CTNNA2: variants seen among roughly 807,000 people sequenced by gnomAD.
CTNNA2 encodes the protein catenin alpha 2, also known as catenin alpha-2.
A neutral mutation model predicts 101.0 loss-of-function variants in CTNNA2; 42 were observed. That is an observed-to-expected ratio of 0.42 (90% CI 0.32 to 0.54). CTNNA2 has a LOEUF of 0.54. CTNNA2 is among the 20% of genes least tolerant of loss of function. CTNNA2 has a pLI of 0.14. For synonymous variants in CTNNA2, 450 were observed against 456.4 expected (o/e 0.99, Z 0.18); for missense variants, 871 against 1,223.1 (o/e 0.71, Z 4.29).
At chr2:79,833,761 A>C (rs1288544551) in intron 3 of CTNNA2, among the ~76,000 whole-genome samples, 1 of 152,216 alleles carries the variant, frequency 6.6e-6, no homozygotes, top group Non-Finnish European at 1.5e-5. Context: ...ACCATAGAGC[A>C]GTCTTGCCAT....
At chr2:79,425,904 G>C (rs1678588049) in intron 4 of CTNNA2, among the ~76,000 whole-genome samples, 1 of 152,084 alleles carries the variant, frequency 6.6e-6, no homozygotes, top group Admixed American at 6.6e-5. Flanking sequence ...AAAAGGGTAG[G>C]TTTCTATCAA....
rs150743828 is a variant in CTNNA2, at chr2:80,163,088, C to T, written c.1057-230123C>T. The stretch of plus-strand genomic sequence containing the variant: ...ATACTTCATGTTTGAAATTCACAAA[C>T]GCAAACTGCTTTGGTTTACCATCCT... On this transcript the variant is annotated intron_variant, in intron 7 of 18. Transcript: ENST00000402739. 437 of 1,579,772 alleles carry T rather than the reference C, an allele frequency of 2.8e-4. No homozygotes were observed. The East Asian group carries it at 5.9e-3, about 21-fold the overall frequency.
At chr2:80,492,236 CT>C (rs1196554045) in intron 9 of CTNNA2, among the ~76,000 whole-genome samples, 1 of 152,148 alleles carries the variant, frequency 6.6e-6, no homozygotes, top group Non-Finnish European at 1.5e-5. Flanking sequence ...TCTCTTCCTC[CT>C]GCTCCTGACA....
intron 7 of CTNNA2, among the ~76,000 whole-genome samples, chr2:80,228,413 G>T (rs1304752447): frequency 2.0e-5 from 3 of 152,118 alleles, no homozygotes; most frequent in Non-Finnish European, 4.4e-5. Flanking sequence ...CATTCATGAG[G>T]TCTCTGCCTT....
At chr2:80,388,473 T>C (rs1484530127) in intron 7 of CTNNA2, among the ~76,000 whole-genome samples, 2 of 152,204 alleles carry the variant, frequency 1.3e-5, no homozygotes, top group Non-Finnish European at 2.9e-5. Context: ...TGCAGTGTTA[T>C]GATTGTTTCC....
intron 1 of CTNNA2, among the ~76,000 whole-genome samples, chr2:79,522,873 A>G (rs1430864302): frequency 1.3e-5 from 2 of 152,194 alleles, no homozygotes; most frequent in African/African-American, 4.8e-5. Flanking sequence ...CAAAAAGAAC[A>G]TGTTTTGTCT....
At chr2:80,514,697 C>T (rs372549400) in intron 9 of CTNNA2, among the ~76,000 whole-genome samples, 65 of 152,266 alleles carry the variant, frequency 4.3e-4, no homozygotes, top group African/African-American at 1.5e-3. Flanking sequence ...TAAGCCATCT[C>T]TCCTCCAAAG....
intron 3 of CTNNA2, among the ~76,000 whole-genome samples, chr2:79,764,059 G>A (rs1358024737): frequency 6.6e-6 from 1 of 152,176 alleles, no homozygotes; most frequent in African/African-American, 2.4e-5. Context: ...CAGCTACACA[G>A]TTAAGTGATG....
At chr2:79,407,691 C>T (rs1353070635) in intron 4 of CTNNA2, among the ~76,000 whole-genome samples, 1 of 151,862 alleles carries the variant, frequency 6.6e-6, no homozygotes, top group Non-Finnish European at 1.5e-5. Flanking sequence ...TAAGGATACA[C>T]CAGATAGTCA....
At chr2:79,260,669 A>G (rs969344004) in intron 2 of CTNNA2, among the ~76,000 whole-genome samples, 1 of 152,144 alleles carries the variant, frequency 6.6e-6, no homozygotes, top group Non-Finnish European at 1.5e-5. Context: ...CATTCTGTGA[A>G]GGAATTTCTG....
intron 7 of CTNNA2, among the ~76,000 whole-genome samples, chr2:80,093,434 T>C (rs1699921067): frequency 6.6e-6 from 1 of 152,216 alleles, no homozygotes; most frequent in Non-Finnish European, 1.5e-5. Flanking sequence ...TTCCAAGTCT[T>C]TGCTATTGTG....
At chr2:79,813,828 T>C (rs926293365) in intron 3 of CTNNA2, among the ~76,000 whole-genome samples, 1 of 152,192 alleles carries the variant, frequency 6.6e-6, no homozygotes, top group Non-Finnish European at 1.5e-5. Context: ...ATGACAATGA[T>C]ATAAATGGGA....
At chr2:80,214,522 A>G (rs1470723863) in intron 7 of CTNNA2, among the ~76,000 whole-genome samples, 1 of 152,172 alleles carries the variant, frequency 6.6e-6, no homozygotes, top group Non-Finnish European at 1.5e-5. Context: ...CTTTTCTTCA[A>G]GAATGTTAAA....
chr2:80,294,880 T>C (rs967662283), intron 7 of CTNNA2, among the ~76,000 whole-genome samples: 10 of 152,220 alleles, frequency 6.6e-5, no homozygotes, highest in African/African-American at 1.7e-4. Flanking sequence ...CAACATTACA[T>C]TGAGAACAGA....
intron 3 of CTNNA2, among the ~76,000 whole-genome samples, chr2:79,796,540 C>T (rs532479910): frequency 6.6e-5 from 10 of 152,244 alleles, no homozygotes; most frequent in Admixed American, 2.0e-4. Context: ...GACTCCTGAC[C>T]ACAAGCGGGG....
At chr2:80,259,200 A>G (rs1672407011) in intron 7 of CTNNA2, among the ~76,000 whole-genome samples, 1 of 152,142 alleles carries the variant, frequency 6.6e-6, no homozygotes. Flanking sequence ...GAGTAGCATT[A>G]TGTAATTAGA....
chr2:79,656,085 C>T (rs1681595650), intron 2 of CTNNA2, among the ~76,000 whole-genome samples: 1 of 152,068 alleles, frequency 6.6e-6, no homozygotes, highest in African/African-American at 2.4e-5. Context: ...CCTAGTATTC[C>T]ATACTGATTT....
rs952156337 is a variant in CTNNA2 at position 79,709,506 on chromosome 2, GGT to G, written c.103-34879_103-34878del. 1.2e-3 allele frequency among the ~76,000 whole-genome samples: 190 copies of G among 152,080 alleles called. 6 individuals are homozygous for G. Among genetic ancestry groups the G allele is most frequent in the Admixed American group, 0.012 (188 of 15,250 alleles). On this transcript the variant is annotated intron_variant, in intron 2 of 18. Transcript: ENST00000402739. ...GGACAGGGTTACTGTAGGGATGAGG[GGT>G]GATATGATAAAGTACTTGGCAATCC...
At chr2:80,498,609 T>A (rs1227852984) in intron 9 of CTNNA2, among the ~76,000 whole-genome samples, 1 of 152,156 alleles carries the variant, frequency 6.6e-6, no homozygotes, top group East Asian at 1.9e-4. Context: ...CAGTAAAAAT[T>A]TCATATTGTT....
Sources: gnomAD v4.1 joint callset for allele counts (sites outside exome capture counted in the v4.1 genomes callset) on GRCh38, gnomAD v4.1.1 for gene constraint, MANE v1.5 for transcripts, NCBI Gene and HGNC (gene_info 2026-07-23, HGNC 2026-07-21) for gene names.